The following CHST9 variants were observed in gnomAD, a reference collection of about 807,000 sequenced individuals.
The protein encoded by CHST9 is GalNAc-4-sulfotransferase 2.
CHST9 carries 41 observed loss-of-function variants against 44.4 expected under a neutral mutation model. The observed-to-expected ratio is 0.92, with a 90% confidence interval of 0.72 to 1.20. CHST9 has a LOEUF of 1.20. Among genes scored for constraint, CHST9 ranks in the 50% most tolerant of loss-of-function variants. The probability of loss-of-function intolerance (pLI) is 0.00; values close to 1 mark genes in which losing one functional copy is unlikely to be tolerated. For missense variants in CHST9, 504 were observed against 516.5 expected (o/e 0.98, Z 0.23); for synonymous variants, 171 against 178.4 (o/e 0.96, Z 0.33).
intron 4 of CHST9, among the ~76,000 whole-genome samples, chr18:27,002,228 A>ATT (rs111476399): frequency 4.8e-5 from 7 of 146,412 alleles, no homozygotes; most frequent in African/African-American, 7.5e-5. Flanking sequence ...ACCATCCTTA[A>ATT]TTTTTTTTTT....
At chr18:27,166,242 A>G (rs1198148419) in intron 1 of CHST9, among the ~76,000 whole-genome samples, 1 of 152,130 alleles carries the variant, frequency 6.6e-6, no homozygotes, top group Admixed American at 6.5e-5. Context: ...TTTCATTTGT[A>G]TATTCCACCA....
intron 2 of CHST9, among the ~76,000 whole-genome samples, chr18:27,107,743 G>A (rs1423242879): frequency 6.6e-6 from 1 of 152,140 alleles, no homozygotes; most frequent in Non-Finnish European, 1.5e-5. Context: ...ACTTTTCTGA[G>A]TCATTTCAGG....
intron 1 of CHST9, among the ~76,000 whole-genome samples, chr18:27,153,387 A>T (rs2058673335): frequency 6.6e-6 from 1 of 152,100 alleles, no homozygotes; most frequent in African/African-American, 2.4e-5. Context: ...GGAGGCAAGG[A>T]CAGAATCCTC....
At chr18:27,045,874 T>G (rs2057493880) in intron 3 of CHST9, among the ~76,000 whole-genome samples, 1 of 152,086 alleles carries the variant, frequency 6.6e-6, no homozygotes. Flanking sequence ...ACAGGACAGT[T>G]TTATTCCATA....
chr18:26,993,749 A>G (rs574838234), intron 4 of CHST9, among the ~76,000 whole-genome samples: 16 of 152,356 alleles, frequency 1.1e-4, no homozygotes, highest in Admixed American at 9.8e-4. Context: ...TGTTCTAAAT[A>G]TGGCCATTTG....
chr18:27,122,578 C>A (rs748895598), intron 2 of CHST9, among the ~76,000 whole-genome samples: 3 of 152,212 alleles, frequency 2.0e-5, no homozygotes, highest in Non-Finnish European at 2.9e-5. Flanking sequence ...TTCTCTCCCC[C>A]TCCATCCCAT....
chr18:27,082,262 T>G (rs1431877160), intron 2 of CHST9, among the ~76,000 whole-genome samples: 1 of 152,242 alleles, frequency 6.6e-6, no homozygotes, highest in Non-Finnish European at 1.5e-5. Flanking sequence ...ATGTTCATAT[T>G]TTATACTTAA....
At chr18:27,083,533 T>C (rs2057980278) in intron 2 of CHST9, among the ~76,000 whole-genome samples, 3 of 152,158 alleles carry the variant, frequency 2.0e-5, no homozygotes, top group Non-Finnish European at 2.9e-5. Flanking sequence ...ACCAATTTGC[T>C]AAATGACTAA....
chr18:27,053,092 AG>A (rs2057588298), intron 2 of CHST9, among the ~76,000 whole-genome samples: 1 of 148,678 alleles, frequency 6.7e-6, no homozygotes, highest in South Asian at 2.2e-4. Flanking sequence ...GTAAAGAAGA[AG>A]AAGAAAAGAA....
chr18:27,015,795 G>T (rs2057146191), intron 4 of CHST9, among the ~76,000 whole-genome samples: 1 of 151,962 alleles, frequency 6.6e-6, no homozygotes, highest in Admixed American at 6.6e-5. Context: ...TCTGCTTCTT[G>T]TTTCTCTGCA....
chr18:26,971,025 T>G (rs1013617739), intron 4 of CHST9, among the ~76,000 whole-genome samples: 2 of 152,192 alleles, frequency 1.3e-5, no homozygotes, highest in Non-Finnish European at 2.9e-5. Flanking sequence ...CTCACCAGCC[T>G]CATCCTCATT....
At position 26,916,152 on chromosome 18, in the gene CHST9, A is replaced by C; in HGVS notation, c.*107T>G. 1 of 910,922 alleles carries C rather than the reference A, an allele frequency of 1.1e-6. No homozygotes were observed. The allele number at this position is 910,922 out of a possible 1,614,324, so 56.4% of individuals were successfully genotyped here. A position where few individuals can be genotyped will look rare whatever the true frequency, so the allele number is the denominator to read the frequency against. ...TAAAAATCTACATTAAATCAAGACA[A>C]CTGCACTTGGTTAAATTTCTGTCAT... On this transcript the variant is annotated 3_prime_UTR_variant, in exon 6 of 6. Coordinates refer to ENST00000618847, the MANE Select transcript of CHST9 (RefSeq NM_031422.6).
chr18:27,098,001 T>G (rs1243782618), intron 2 of CHST9, among the ~76,000 whole-genome samples: 1 of 151,868 alleles, frequency 6.6e-6, no homozygotes, highest in Non-Finnish European at 1.5e-5. Flanking sequence ...TAGTATAGTT[T>G]GAAGTCAGGT....
chr18:27,154,053 C>A (rs2058680136), intron 1 of CHST9, among the ~76,000 whole-genome samples: 1 of 152,224 alleles, frequency 6.6e-6, no homozygotes, highest in Middle Eastern at 3.4e-3. Context: ...CCCAACTAGA[C>A]CCACCCTGCC....
chr18:27,081,576 G>T (rs1310923267), intron 2 of CHST9, among the ~76,000 whole-genome samples: 2 of 152,058 alleles, frequency 1.3e-5, no homozygotes, highest in African/African-American at 4.8e-5. Context: ...GAGGGTGGAG[G>T]CTTTGTCTTT....
chr18:27,009,871 T>A (rs1024636043), intron 4 of CHST9, among the ~76,000 whole-genome samples: 1 of 152,182 alleles, frequency 6.6e-6, no homozygotes, highest in African/African-American at 2.4e-5. Context: ...TAGAATCATA[T>A]CCATGGTAAA....
At chr18:27,139,957 T>A (rs923669945) in intron 2 of CHST9, among the ~76,000 whole-genome samples, 1 of 152,200 alleles carries the variant, frequency 6.6e-6, no homozygotes, top group African/African-American at 2.4e-5. Context: ...TTTATAATTA[T>A]ATGCCTACAT....
intron 2 of CHST9, among the ~76,000 whole-genome samples, chr18:27,084,130 AT>A (rs1326469242): frequency 6.6e-6 from 1 of 150,908 alleles, no homozygotes; most frequent in Admixed American, 6.6e-5. Flanking sequence ...TCTCTGCCAG[AT>A]TTTGGTATCA....
At chr18:27,148,677 T>C (rs2058635285) in intron 1 of CHST9, among the ~76,000 whole-genome samples, 1 of 149,968 alleles carries the variant, frequency 6.7e-6, no homozygotes, top group African/African-American at 2.5e-5. Context: ...TTTGGCTTGG[T>C]TCCAAGTCTT....
Sources: gnomAD v4.1 joint callset for allele counts (sites outside exome capture counted in the v4.1 genomes callset) on GRCh38, gnomAD v4.1.1 for gene constraint, MANE v1.5 for transcripts, NCBI Gene and HGNC (gene_info 2026-07-23, HGNC 2026-07-21) for gene names.